Variants in FAM78B observed in about 807,000 individuals in gnomAD.
FAM78B encodes family with sequence similarity 78 member B.
Under a neutral mutation model 20.0 loss-of-function variants are expected in FAM78B, and 10 were observed. The observed-to-expected ratio is 0.50, with a 90% CI of 0.31 to 0.85. The LOEUF (loss-of-function observed/expected upper bound fraction) is 0.85, where lower values mean the gene tolerates loss of function less well. FAM78B is among the 40% of genes least tolerant of loss of function. FAM78B has a pLI of 0.05. For synonymous variants in FAM78B, 135 were observed against 132.8 expected (o/e 1.02, Z -0.12); for missense variants, 283 against 345.0 (o/e 0.82, Z 1.42).
In FAM78B at chr1:166,135,840, A is replaced by G. The variant is rs895812849; in HGVS notation, c.263+30146T>C. Among the ~76,000 whole-genome samples the G allele has an allele frequency of 2.6e-5, 4 of 152,376 alleles. No homozygotes were observed. The East Asian group carries it at 7.7e-4, about 29-fold the overall frequency. On this transcript the variant is annotated intron_variant, in intron 1 of 1. Coordinates refer to ENST00000354422, the MANE Select transcript of FAM78B (RefSeq NM_001017961.5). ...GCCGAAAGAATTTTTCTTCCTCTGAATAGTCACATTCTGTGTGTGTTCTGC... is the reference window on the plus strand; with the variant it reads ...GCCGAAAGAATTTTTCTTCCTCTGAGTAGTCACATTCTGTGTGTGTTCTGC...
At chr1:166,134,391 C>T (rs150398902) in intron 1 of FAM78B, among the ~76,000 whole-genome samples, 63 of 152,228 alleles carry the variant, frequency 4.1e-4, no homozygotes, top group African/African-American at 1.5e-3. Flanking sequence ...TAGCTAGTGG[C>T]AGAGGCAGGA....
Position 166,088,632 on chromosome 1 carries a change from A to G in FAM78B, c.264-17869T>C, listed in dbSNP as rs1002923466. On this transcript the variant is annotated intron_variant, in intron 1 of 1. Transcript: ENST00000354422. ...ACACTTACTGCAATTTCCAGGCCTC[A>G]CGGACTGGCATACAGCTATGGCCAA... Among the ~76,000 whole-genome samples the G allele has an allele frequency of 2.4e-4, 37 of 152,184 alleles. 1 individual carries two copies. Among genetic ancestry groups the G allele is most frequent in the Non-Finnish European group, 2.9e-5 (2 of 68,032 alleles).
intron 1 of FAM78B, among the ~76,000 whole-genome samples, chr1:166,127,566 G>A (rs1427228290): frequency 6.6e-6 from 1 of 152,162 alleles, no homozygotes; most frequent in East Asian, 1.9e-4. Flanking sequence ...TGTTTAAAGT[G>A]TTAGGCACAT....
At chr1:166,097,353 C>T (rs1293721700) in intron 1 of FAM78B, among the ~76,000 whole-genome samples, 1 of 152,202 alleles carries the variant, frequency 6.6e-6, no homozygotes, top group Non-Finnish European at 1.5e-5. Flanking sequence ...GGCGAGAAGC[C>T]TCCTGGCCAG....
intron 1 of FAM78B, among the ~76,000 whole-genome samples, chr1:166,118,772 T>C (rs985555639): frequency 6.6e-6 from 1 of 152,084 alleles, no homozygotes; most frequent in Non-Finnish European, 1.5e-5. Context: ...GCCTTCAAAG[T>C]AAAGGGCTTA....
chr1:166,108,554 C>G (rs1040187218), intron 1 of FAM78B, among the ~76,000 whole-genome samples: 3 of 151,918 alleles, frequency 2.0e-5, no homozygotes, highest in Non-Finnish European at 2.9e-5. Context: ...ATGGATGGGT[C>G]GAATCAATAT....
At chr1:166,119,681 A>T (rs975454782) in intron 1 of FAM78B, among the ~76,000 whole-genome samples, 5 of 152,166 alleles carry the variant, frequency 3.3e-5, no homozygotes, top group Admixed American at 1.3e-4. Flanking sequence ...CTTCTATTAC[A>T]CATCTCTCTT....
At chr1:166,144,088 C>A (rs1370133928) in intron 1 of FAM78B, among the ~76,000 whole-genome samples, 1 of 152,220 alleles carries the variant, frequency 6.6e-6, no homozygotes, top group East Asian at 1.9e-4. Flanking sequence ...CACCAGAGAA[C>A]TCCTGGGCCC....
chr1:166,059,866 G>A (rs1435735189), exon 3 of FAM78B: 1 of 152,116 alleles, frequency 6.6e-6, no homozygotes, highest in East Asian at 1.9e-4. Context: ...GTGCTCTATG[G>A]GCCCAGGAAG....
At chr1:166,126,626 G>A (rs367699295) in intron 1 of FAM78B, among the ~76,000 whole-genome samples, 36 of 152,234 alleles carry the variant, frequency 2.4e-4, no homozygotes, top group African/African-American at 7.5e-4. Context: ...AAGAGGGCAC[G>A]TGAGGCTGGG....
intron 1 of FAM78B, among the ~76,000 whole-genome samples, chr1:166,158,035 T>G (rs2101804206): frequency 6.6e-6 from 1 of 152,326 alleles, no homozygotes; most frequent in South Asian, 2.1e-4. Flanking sequence ...TCAGAGCAAC[T>G]TACTCTGTTT....
chr1:166,129,929 C>T (rs994124470), intron 1 of FAM78B, among the ~76,000 whole-genome samples: 1 of 152,250 alleles, frequency 6.6e-6, no homozygotes, highest in Non-Finnish European at 1.5e-5. Flanking sequence ...CCTCCGTAGA[C>T]TGATCACAAG....
intron 1 of FAM78B, among the ~76,000 whole-genome samples, chr1:166,132,527 G>A (rs971364539): frequency 6.6e-6 from 1 of 152,210 alleles, no homozygotes; most frequent in Admixed American, 6.5e-5. Context: ...AGTGGCTTGT[G>A]AATGTCAACC....
intron 1 of FAM78B, among the ~76,000 whole-genome samples, chr1:166,163,766 T>C (rs1157171706): frequency 2.0e-5 from 3 of 152,250 alleles, no homozygotes; most frequent in Non-Finnish European, 2.9e-5. Context: ...CTTTAACACA[T>C]AGCAATTATT....
chr1:166,075,058 T>A (rs1652211002), intron 1 of FAM78B, among the ~76,000 whole-genome samples: 1 of 152,206 alleles, frequency 6.6e-6, no homozygotes. Flanking sequence ...AAGACACTGC[T>A]GGCGGGGCAG....
intron 1 of FAM78B, among the ~76,000 whole-genome samples, chr1:166,134,081 G>A (rs534430230): frequency 1.3e-5 from 2 of 152,292 alleles, no homozygotes; most frequent in South Asian, 4.1e-4. Flanking sequence ...AGTTTGGGGG[G>A]TTTCCCCATG....
chr1:166,100,162 T>C (rs756918088), intron 1 of FAM78B, among the ~76,000 whole-genome samples: 2 of 152,186 alleles, frequency 1.3e-5, no homozygotes, highest in African/African-American at 2.4e-5. Context: ...TGAATGAGCA[T>C]TGAGTCAAAA....
In FAM78B at chr1:166,137,746, G is replaced by C. The variant is rs1655121928; in HGVS notation, c.263+28240C>G. 2.0e-5 allele frequency among the ~76,000 whole-genome samples: 3 copies of C among 152,168 alleles called. No individual in the cohort carries two copies. In the South Asian group the frequency reaches 6.2e-4, roughly 32 times the overall value. ...ATGATGTTATTAGTAAATAGATGTGGAAACACTGAAAAGCATAAGCAGCAC... is the reference window on the plus strand; with the variant it reads ...ATGATGTTATTAGTAAATAGATGTGCAAACACTGAAAAGCATAAGCAGCAC... On this transcript the variant is annotated intron_variant, in intron 1 of 1. Coordinates refer to ENST00000354422, the MANE Select transcript of FAM78B (RefSeq NM_001017961.5).
intron 1 of FAM78B, among the ~76,000 whole-genome samples, chr1:166,141,351 GGTTTTACTCCA>G (rs760906049): frequency 1.3e-5 from 2 of 152,120 alleles, no homozygotes; most frequent in Non-Finnish European, 2.9e-5. Context: ...AATCTAAGTG[GGTTTTACTCCA>G]GTTATCACGC....
Sources: gnomAD v4.1 joint callset for allele counts (sites outside exome capture counted in the v4.1 genomes callset) on GRCh38, gnomAD v4.1.1 for gene constraint, MANE v1.5 for transcripts, NCBI Gene and HGNC (gene_info 2026-07-23, HGNC 2026-07-21) for gene names.